PIBF1: variants seen among roughly 807,000 people sequenced by gnomAD.
PIBF1 encodes the protein progesterone immunomodulatory binding factor 1.
In PIBF1, 90 loss-of-function variants were observed where a neutral mutation model predicts 112.5. The observed-to-expected ratio is 0.80, with a 90% CI of 0.67 to 0.95. The LOEUF is 0.95. PIBF1 is among the 40% of genes least tolerant of loss of function. The pLI is 0.00. For synonymous variants in PIBF1, 301 were observed against 288.6 expected, an observed-to-expected ratio of 1.04 and a Z score of -0.44; for missense variants, 915 against 852.3, an observed-to-expected ratio of 1.07 and a Z score of -0.92.
intron 11 of PIBF1, among the ~76,000 whole-genome samples, chr13:72,906,042 A>G (rs756194420): frequency 3.3e-5 from 5 of 152,168 alleles, no homozygotes; most frequent in Non-Finnish European, 5.9e-5. Flanking sequence ...TGGTTTGATT[A>G]AGAATAATGT....
rs71099771 is a variant in PIBF1 at position 72,949,300 on chromosome 13, C to CTTTTTTTTTTTTTT, written c.1834-15954_1834-15941dup. Among the ~76,000 whole-genome samples, 20 of 54,980 alleles carry CTTTTTTTTTTTTTT rather than the reference C, an allele frequency of 3.6e-4. 4 individuals carry two copies. The highest frequency in any genetic ancestry group is 6.0e-4 in the Non-Finnish European group (19 of 31,598). 36.1% of individuals were successfully genotyped at this position (54,980 alleles called of 152,430 possible). Reference sequence around the variant, plus strand: ...AACTACTACCTAGACAAATAGCTGTCTTTTTTTTTTTTTTTTTTTTTTTTT... The same window carrying CTTTTTTTTTTTTTT: ...AACTACTACCTAGACAAATAGCTGTCTTTTTTTTTTTTTTTTTTTTTTTTTTTTTTTTTTTTTTT... On this transcript the variant is annotated intron_variant, in intron 14 of 17. Transcript: ENST00000326291.
intron 10 of PIBF1, among the ~76,000 whole-genome samples, chr13:72,857,852 A>G (rs752433838): frequency 2.0e-5 from 3 of 152,190 alleles, no homozygotes; most frequent in Non-Finnish European, 4.4e-5. Context: ...AAACAAAAAC[A>G]AAAACAAAAA....
intron 5 of PIBF1, among the ~76,000 whole-genome samples, chr13:72,813,150 G>C (rs928328684): frequency 1.3e-5 from 2 of 152,032 alleles, no homozygotes; most frequent in African/African-American, 4.8e-5. Flanking sequence ...AAAGCTAAAT[G>C]AACTCCTACT....
intron 14 of PIBF1, among the ~76,000 whole-genome samples, chr13:72,948,852 C>T (rs966860915): frequency 2.0e-5 from 3 of 152,168 alleles, no homozygotes; most frequent in Non-Finnish European, 4.4e-5. Context: ...TGTGAGAACT[C>T]ACTGTCACGA....
In PIBF1 at chr13:72,783,669, T is replaced by G. The variant is rs771951502; in HGVS notation, c.200T>G (p.Leu67Arg). 3 of 1,613,952 alleles carry G rather than the reference T, an allele frequency of 1.9e-6. No individual in the cohort carries two copies. In the South Asian group the frequency reaches 3.3e-5, roughly 18 times the overall value. Reference sequence around the variant, plus strand: ...AATATTCAGTTACTAAAAATTGAGCTATCCCAGAAAACTATGATGATCGAC... The same window carrying G: ...AATATTCAGTTACTAAAAATTGAGCGATCCCAGAAAACTATGATGATCGAC... Reference protein sequence around the residue: ...LHNIQLLKIELSQKTMMIDNL... With the variant: ...LHNIQLLKIERSQKTMMIDNL... Residue 67 changes from leucine to arginine, a missense_variant, in exon 2 of 18, where the codon CTA becomes CGA. By Grantham distance (102) the Leu-to-Arg change is moderately radical. Transcript: ENST00000326291.
intron 11 of PIBF1, among the ~76,000 whole-genome samples, chr13:72,903,020 C>T (rs1166529288): frequency 2.0e-5 from 3 of 151,886 alleles, no homozygotes; most frequent in Admixed American, 2.0e-4. Context: ...CTCAGCCTCC[C>T]GAGTAGCTAA....
intron 11 of PIBF1, among the ~76,000 whole-genome samples, chr13:72,905,337 A>G (rs1235595130): frequency 6.6e-6 from 1 of 152,100 alleles, no homozygotes; most frequent in South Asian, 2.1e-4. Flanking sequence ...AAGTGCTGGG[A>G]TTACCGGCGT....
intron 11 of PIBF1, among the ~76,000 whole-genome samples, chr13:72,904,783 C>T (rs1288894620): frequency 6.6e-6 from 1 of 151,370 alleles, no homozygotes; most frequent in Non-Finnish European, 1.5e-5. Flanking sequence ...ATTTTAAGAC[C>T]ACATAATATA....
chr13:72,820,117 G>A (rs954161216), intron 5 of PIBF1, among the ~76,000 whole-genome samples: 5 of 152,060 alleles, frequency 3.3e-5, no homozygotes, highest in East Asian at 1.9e-4. Flanking sequence ...CATTTACTAC[G>A]TTAGACATTT....
chr13:72,932,016 A>G (rs929241106), intron 14 of PIBF1, among the ~76,000 whole-genome samples: 17 of 136,684 alleles, frequency 1.2e-4, no homozygotes, highest in African/African-American at 4.8e-4. Context: ...ATCACAGTTC[A>G]TTGCAACCTC....
At chr13:72,998,742 AAAT>A in intron 16 of PIBF1, 77 bp from the exon 17 acceptor site, 2 of 927,990 alleles carry the variant, frequency 2.2e-6, no homozygotes, top group Non-Finnish European at 3.3e-6. Context: ...TTCTACTTAA[AAAT>A]ATTTTAATAT....
At chr13:72,789,446 C>G (rs1221984220) in intron 2 of PIBF1, among the ~76,000 whole-genome samples, 2 of 152,112 alleles carry the variant, frequency 1.3e-5, no homozygotes, top group Non-Finnish European at 2.9e-5. Context: ...CTTGGCCCCC[C>G]AAAGTGCTGG....
intron 5 of PIBF1, among the ~76,000 whole-genome samples, chr13:72,805,229 G>A (rs1398033342): frequency 1.3e-5 from 2 of 152,136 alleles, no homozygotes; most frequent in African/African-American, 4.8e-5. Flanking sequence ...TGCAAGCTCC[G>A]CCTTCTGGGT....
chr13:72,862,633 A>G (rs777313903), intron 10 of PIBF1, among the ~76,000 whole-genome samples: 8 of 152,306 alleles, frequency 5.3e-5, no homozygotes, highest in East Asian at 1.9e-4. Context: ...ACAAATAACA[A>G]TAATTTTTAG....
chr13:72,810,040 C>A (rs1333921854), intron 5 of PIBF1, among the ~76,000 whole-genome samples: 1 of 152,182 alleles, frequency 6.6e-6, no homozygotes, highest in East Asian at 1.9e-4. Flanking sequence ...AAATAGGGCT[C>A]ATCTTTTACT....
chr13:72,855,202 A>G (rs754246099), intron 10 of PIBF1, among the ~76,000 whole-genome samples: 35 of 152,188 alleles, frequency 2.3e-4, no homozygotes, highest in Non-Finnish European at 4.7e-4. Context: ...GCAATACATA[A>G]AACTAAAATT....
At chr13:72,964,052 AT>A (rs2042676402) in intron 14 of PIBF1, among the ~76,000 whole-genome samples, 2 of 152,374 alleles carry the variant, frequency 1.3e-5, no homozygotes, top group Admixed American at 1.3e-4. Flanking sequence ...TCATAGCAGC[AT>A]TATTCACAAT....
At position 72,795,413 on chromosome 13, in the gene PIBF1, A is replaced by G; in HGVS notation, c.408A>G (p.Lys136=). 1.2e-6 allele frequency: 2 copies of G among 1,607,326 alleles called. No homozygotes were observed. Among genetic ancestry groups the G allele is most frequent in the Non-Finnish European group, 1.7e-6 (2 of 1,177,956 alleles). The change falls in exon 4 of 18, where the codon AAA becomes AAG. Residue 136 remains lysine (K), a synonymous_variant. Transcript: ENST00000326291. ...TGGAAACCATTTTGTTGAGACAGAA[A>G]CAACTAGAAGAGACAAATCTTCAGC... The part of the protein sequence containing the change: ...QEMETILLRQ[K]QLEETNLQLR...
intron 16 of PIBF1, among the ~76,000 whole-genome samples, chr13:72,996,093 G>T (rs908583328): frequency 1.7e-5 from 2 of 121,184 alleles, no homozygotes; most frequent in South Asian, 3.2e-4. Context: ...AAAGCGGGGG[G>T]GGGGGGTCAT....
Sources: allele counts gnomAD v4.1 joint callset (sites outside exome capture counted in the v4.1 genomes callset), GRCh38; gene constraint gnomAD v4.1.1; transcripts MANE v1.5; gene names NCBI Gene and HGNC (gene_info 2026-07-23, HGNC 2026-07-21).